The following GPC5 variants were observed in gnomAD, a reference collection of about 807,000 sequenced individuals.
The protein encoded by GPC5 is glypican-5.
Under a neutral mutation model 53.9 loss-of-function variants are expected in GPC5, and 47 were observed. That is an observed-to-expected ratio of 0.87 (90% confidence interval 0.69 to 1.11). The LOEUF is 1.11. GPC5 is among the 50% of genes most tolerant of loss of function. The pLI is 0.00. For synonymous variants in GPC5, 286 were observed against 263.3 expected, an observed-to-expected ratio of 1.09 and a Z score of -0.84; for missense variants, 748 against 713.1, an observed-to-expected ratio of 1.05 and a Z score of -0.56.
intron 1 of GPC5, among the ~76,000 whole-genome samples, chr13:91,441,902 C>G (rs563446252): frequency 6.6e-6 from 1 of 152,242 alleles, no homozygotes; most frequent in East Asian, 1.9e-4. Flanking sequence ...AACATCCACT[C>G]TGGTAAATAT....
intron 5 of GPC5, among the ~76,000 whole-genome samples, chr13:91,868,268 A>T (rs964434656): frequency 1.3e-5 from 2 of 152,232 alleles, no homozygotes; most frequent in African/African-American, 4.8e-5. Flanking sequence ...AAACAGTAAG[A>T]TTAGATGACA....
intron 7 of GPC5, among the ~76,000 whole-genome samples, chr13:92,569,674 A>G (rs749645620): frequency 7.9e-5 from 12 of 152,152 alleles, no homozygotes; most frequent in Non-Finnish European, 1.8e-4. Context: ...ACAAAGCAAA[A>G]GTAAATTCTG....
chr13:92,403,304 T>G (rs1242975455), intron 7 of GPC5, among the ~76,000 whole-genome samples: 4 of 152,154 alleles, frequency 2.6e-5, no homozygotes, highest in African/African-American at 9.7e-5. Context: ...AAAAGCAACT[T>G]GGAACCCATT....
intron 7 of GPC5, among the ~76,000 whole-genome samples, chr13:92,598,105 T>C (rs1386379508): frequency 6.6e-6 from 1 of 152,212 alleles, no homozygotes; most frequent in Non-Finnish European, 1.5e-5. Flanking sequence ...TGAGTTGTCA[T>C]TTCTTCTGAA....
At chr13:92,663,608 ATATATCTACTATATATATAC>A (rs1886427209) in intron 7 of GPC5, among the ~76,000 whole-genome samples, 4 of 83,832 alleles carry the variant, frequency 4.8e-5, no homozygotes, top group Non-Finnish European at 1.2e-4. Context: ...CTATATATAT[ATATATCTACTATATATATAC>A]TATATATACA....
chr13:92,077,235 CTG>C (rs1349544262), intron 6 of GPC5, among the ~76,000 whole-genome samples: 13 of 152,324 alleles, frequency 8.5e-5, no homozygotes, highest in African/African-American at 3.1e-4. Context: ...CTCCTGAGGG[CTG>C]TGTCATGTGC....
intron 6 of GPC5, among the ~76,000 whole-genome samples, chr13:92,132,466 T>C (rs1322365850): frequency 6.6e-6 from 1 of 152,098 alleles, no homozygotes; most frequent in East Asian, 1.9e-4. Context: ...TCCAGAAGGA[T>C]ATGAGGGAGG....
At chr13:92,333,741 G>C (rs2043303640) in intron 7 of GPC5, among the ~76,000 whole-genome samples, 1 of 151,942 alleles carries the variant, frequency 6.6e-6, no homozygotes, top group African/African-American at 2.4e-5. Flanking sequence ...GAATTGCAAG[G>C]CATACCAAAA....
chr13:91,730,398 A>G (rs571172178), intron 4 of GPC5, among the ~76,000 whole-genome samples: 178 of 152,206 alleles, frequency 1.2e-3, no homozygotes, highest in African/African-American at 4.1e-3. Flanking sequence ...TTCTTTCTCT[A>G]CCGCTTGAGC....
chr13:91,804,961 G>A (rs1412677258), intron 5 of GPC5, among the ~76,000 whole-genome samples: 1 of 152,202 alleles, frequency 6.6e-6, no homozygotes, highest in African/African-American at 2.4e-5. Flanking sequence ...AATGAGCAGA[G>A]AGTGAGAGCG....
chr13:92,313,827 C>T (rs2043161187), intron 7 of GPC5, among the ~76,000 whole-genome samples: 1 of 152,178 alleles, frequency 6.6e-6, no homozygotes, highest in Non-Finnish European at 1.5e-5. Flanking sequence ...TTTCTTTTAT[C>T]TCCTATACTC....
At chr13:91,557,581 A>G (rs2031029207) in intron 2 of GPC5, among the ~76,000 whole-genome samples, 1 of 152,248 alleles carries the variant, frequency 6.6e-6, no homozygotes, top group African/African-American at 2.4e-5. Flanking sequence ...GATTCTAGGC[A>G]GAGTACAGAA....
At chr13:92,560,156 C>A (rs1191410341) in intron 7 of GPC5, among the ~76,000 whole-genome samples, 1 of 151,706 alleles carries the variant, frequency 6.6e-6, no homozygotes, top group Admixed American at 6.6e-5. Context: ...TGTGATAGAA[C>A]CTATATTTAT....
intron 2 of GPC5, among the ~76,000 whole-genome samples, chr13:91,608,582 G>C (rs558822204): frequency 1.3e-5 from 2 of 152,280 alleles, no homozygotes; most frequent in East Asian, 3.9e-4. Flanking sequence ...CAGCAGATAG[G>C]CATGTTATGT....
In GPC5 at chr13:92,387,011, A is replaced by C. The variant is rs1428646472; in HGVS notation, c.1561+242022A>C. Reference sequence around the variant, plus strand: ...ATTACTTGACTTGTTCACTAACTTTAGTAGAATTAGAACTCACACTCATGT... The same window carrying C: ...ATTACTTGACTTGTTCACTAACTTTCGTAGAATTAGAACTCACACTCATGT... On this transcript the variant is annotated intron_variant, in intron 7 of 7. Coordinates refer to ENST00000377067, the MANE Select transcript of GPC5 (RefSeq NM_004466.6). 4.6e-5 allele frequency among the ~76,000 whole-genome samples: 7 copies of C among 152,148 alleles called. No individual in the cohort carries two copies. In the East Asian group the frequency reaches 1.2e-3, roughly 25 times the overall value.
chr13:91,402,409 A>C lies in GPC5; in HGVS notation c.163+3200A>C, dbSNP rs538015746. Among the ~76,000 whole-genome samples, 4 of 152,342 alleles carry C rather than the reference A, an allele frequency of 2.6e-5. No individual in the cohort carries two copies. In the South Asian group the frequency reaches 8.3e-4, roughly 32 times the overall value. ...TTGTTTTTTAAACTGCTTTCATTAT[A>C]ATCAAATCTTATTATTGCTCCAAGG... On this transcript the variant is annotated intron_variant, in intron 1 of 7. Coordinates refer to ENST00000377067, the MANE Select transcript of GPC5 (RefSeq NM_004466.6).
At chr13:92,832,232 A>AAC (rs1426459676) in intron 7 of GPC5, among the ~76,000 whole-genome samples, 1 of 152,184 alleles carries the variant, frequency 6.6e-6, no homozygotes, top group Non-Finnish European at 1.5e-5. Context: ...AACTTACTTA[A>AAC]ACATAAAGCT....
intron 7 of GPC5, among the ~76,000 whole-genome samples, chr13:92,338,902 G>T (rs1277431723): frequency 6.6e-6 from 1 of 152,068 alleles, no homozygotes; most frequent in African/African-American, 2.4e-5. Context: ...GCATGATTAT[G>T]ATATGTCAAT....
At chr13:92,316,952 G>C (rs1456437859) in intron 7 of GPC5, among the ~76,000 whole-genome samples, 2 of 152,032 alleles carry the variant, frequency 1.3e-5, no homozygotes, top group East Asian at 1.9e-4. Flanking sequence ...TCCATAACGT[G>C]CTAATGAACT....
Sources: gnomAD v4.1 joint callset for allele counts (sites outside exome capture counted in the v4.1 genomes callset) on GRCh38, gnomAD v4.1.1 for gene constraint, MANE v1.5 for transcripts, NCBI Gene and HGNC (gene_info 2026-07-23, HGNC 2026-07-21) for gene names.